MAP1A: variants seen among roughly 807,000 people sequenced by gnomAD.
MAP1A encodes the protein microtubule-associated protein 1A.
Under a neutral mutation model 185.9 loss-of-function variants are expected in MAP1A, and 42 were observed. That is an observed-to-expected ratio of 0.23 (90% CI 0.18 to 0.29). MAP1A has a LOEUF of 0.29. MAP1A is among the 10% of genes least tolerant of loss of function. MAP1A has a pLI of 1.00. For synonymous variants in MAP1A, 1,229 were observed against 1,335.9 expected, an observed-to-expected ratio of 0.92 and a Z score of 1.74; for missense variants, 2,995 against 3,450.4, an observed-to-expected ratio of 0.87 and a Z score of 3.31.
chr15:43,521,328 C>T lies in MAP1A; in HGVS notation c.-146C>T. 6.2e-7 allele frequency: 1 copy of T among 1,607,302 alleles called. No individual in the cohort carries two copies. On this transcript the variant is annotated 5_prime_UTR_variant, in exon 4 of 6. Coordinates refer to ENST00000300231, the MANE Select transcript of MAP1A (RefSeq NM_002373.6). This position sits in a 1 kb window ranked among gnomAD's most constrained non-coding sequence, Gnocchi z 4.6. ...TTCTATCTCCTATTCTTCTAGATTT[C>T]CCAATTGCTCAGCAATAGAGACCCT...
In MAP1A at chr15:43,526,604, G is replaced by A. The variant is rs1208885711; in HGVS notation, c.5131G>A (p.Glu1711Lys). The change falls in exon 4 of 6, where the codon GAG becomes AAG. Residue 1711 changes from glutamate (E) to lysine (K), a missense_variant. Glu to Lys is a moderately conservative substitution (Grantham distance 56, BLOSUM62 1). Coordinates refer to ENST00000300231, the MANE Select transcript of MAP1A (RefSeq NM_002373.6). This position sits in a 1 kb window ranked among gnomAD's most constrained non-coding sequence, Gnocchi z 4.7. ...TGAGCGGAAGGTCTGGTTCCCTCAC[G>A]AGCTGGATGGCCAGGGGGCCCGCCC... The part of the protein sequence containing the change: ...SCERKVWFPH[E>K]LDGQGARPHY... 13 of 1,614,036 alleles carry A rather than the reference G, an allele frequency of 8.1e-6. No individual in the cohort carries two copies. The highest frequency in any genetic ancestry group is 1.6e-4 in the Middle Eastern group (1 of 6,084).
Position 43,522,749 on chromosome 15 carries a change from G to T in MAP1A, c.1276G>T (p.Glu426Ter). 1 of 1,572,232 alleles carries T rather than the reference G, an allele frequency of 6.4e-7. No individual in the cohort carries two copies. Among genetic ancestry groups the T allele is most frequent in the Non-Finnish European group, 8.6e-7 (1 of 1,157,036 alleles). The change falls in exon 4 of 6, where the codon GAG becomes TAG. Residue 426 changes from glutamate (E) to a stop codon, truncating the protein, a stop_gained. Transcript: ENST00000300231. LOFTEE classifies it high-confidence loss of function. The surrounding 1 kb of genome is among the most constrained non-coding windows in gnomAD (Gnocchi z 5.9). ...CAAGGAGAAAAAAGAGATCAAAAAG[G>T]AGAGGAAAGAGCTCAAGAAGGATGA... ...KDKEKKEIKK[E>*]RKELKKDEGR...
chr15:43,522,556 G>A lies in MAP1A; in HGVS notation c.1083G>A (p.Lys361=). Residue 361 remains lysine (K), a synonymous_variant, in exon 4 of 6, where the codon AAG becomes AAA. Coordinates refer to ENST00000300231, the MANE Select transcript of MAP1A (RefSeq NM_002373.6). This position sits in a 1 kb window ranked among gnomAD's most constrained non-coding sequence, Gnocchi z 5.9. ...CCAAGGAGTTAGCCAAGACAGAGAA[G>A]AAGGCAAAAGAGTCATCTGAGAAGC... ...ELAKELAKTE[K]KAKESSEKPP... 1 of 1,611,338 alleles carries A rather than the reference G, an allele frequency of 6.2e-7. No individual in the cohort carries two copies. The highest frequency in any genetic ancestry group is 8.5e-7 in the Non-Finnish European group (1 of 1,178,522).
chr15:43,518,704 G>GCCCCCCCCCCCCCCCCCCCCCCCCCCC (rs1415845642), intron 1 of MAP1A, among the ~76,000 whole-genome samples: 1 of 104,386 alleles, frequency 9.6e-6, no homozygotes, highest in African/African-American at 6.4e-5. Context: ...CTGCACCGCA[G>GCCCCCCCCCCCCCCCCCCCCCCCCCCC]CCCACCCCCC....
In MAP1A at chr15:43,524,505, A is replaced by G; in HGVS notation, c.3032A>G (p.His1011Arg). Reference sequence around the variant, plus strand: ...CCCAGTGCCACCCACACACCCTTTCATCAGTCCCCAGTGGAAGAAAAGTCT... The same window carrying G: ...CCCAGTGCCACCCACACACCCTTTCGTCAGTCCCCAGTGGAAGAAAAGTCT... ...GPPSATHTPF[H>R]QSPVEEKSEP... Residue 1011 changes from histidine (H) to arginine (R), a missense_variant, in exon 4 of 6, where the codon CAT becomes CGT. Around this residue, in one of 3 missense-constraint regions of MAP1A, gnomAD observed 2,728 missense variants for 2,986.0 expected, o/e 0.91. Transcript: ENST00000300231. 6.2e-7 allele frequency: 1 copy of G among 1,614,094 alleles called. No homozygotes were observed. Among genetic ancestry groups the G allele is most frequent in the Non-Finnish European group, 8.5e-7 (1 of 1,180,014 alleles).
chr15:43,523,887 C>T lies in MAP1A; in HGVS notation c.2414C>T (p.Pro805Leu). 1.9e-6 allele frequency: 3 copies of T among 1,614,194 alleles called. No homozygotes were observed. Among genetic ancestry groups the T allele is most frequent in the Non-Finnish European group, 2.5e-6 (3 of 1,180,030 alleles). ...ACCTCTGGCAAAGTCTATGGAACGC[C>T]AGAGACTGAACTCACCTACCCCACT... ...PATSGKVYGT[P>L]ETELTYPTNI... is the part of the protein sequence containing the mutation. The change falls in exon 4 of 6, where the codon CCA becomes CTA. Residue 805 changes from proline (P) to leucine (L), a missense_variant. Pro to Leu is a moderately conservative substitution (Grantham distance 98, BLOSUM62 -3). Around this residue, in one of 3 missense-constraint regions of MAP1A, gnomAD observed 2,728 missense variants for 2,986.0 expected, o/e 0.91. Transcript: ENST00000300231.
At position 43,523,582 on chromosome 15, in the gene MAP1A, A is replaced by G. The variant is rs1003142315; in HGVS notation, c.2109A>G (p.Glu703=). 2 of 1,614,036 alleles carry G rather than the reference A, an allele frequency of 1.2e-6. No homozygotes were observed. The highest frequency in any genetic ancestry group is 1.7e-5 in the Admixed American group (1 of 60,002). The change falls in exon 4 of 6, where the codon GAA becomes GAG. Residue 703 remains glutamate (E), a synonymous_variant. Transcript: ENST00000300231. ...GCCGGGAGGCTTTTGGGGGTCGGGA[A>G]TTGGGACTCCAGGGCAAGGCCCCTG... ...PRSREAFGGR[E]LGLQGKAPEK... is the part of the protein sequence containing the mutation.
At chr15:43,514,730 C>G (rs978323658), upstream of MAP1A, among the ~76,000 whole-genome samples, 3 of 152,148 alleles carry the variant, frequency 2.0e-5, no homozygotes, top group African/African-American at 7.2e-5. Context: ...GATTTTTGCA[C>G]CAGGTAGTCT....
exon 1 of MAP1A, chr15:43,511,195 G>T: frequency 6.4e-7 from 1 of 1,550,544 alleles, no homozygotes; most frequent in Non-Finnish European, 8.7e-7. Flanking sequence ...CAGAGAGTCA[G>T]CTGAGGGCCG....
In MAP1A at chr15:43,524,017, C is replaced by G; in HGVS notation, c.2544C>G (p.Asp848Glu). Residue 848 changes from aspartate to glutamate, a missense_variant, in exon 4 of 6, where the codon GAC becomes GAG. Transcript: ENST00000300231. ...LSSFATSVAE[D>E]QSVASLTAPQ... The stretch of plus-strand genomic sequence containing the variant: ...CCTTTGCCACATCAGTGGCTGAGGA[C>G]CAATCTGTGGCCTCACTTACAGCTC... 6.2e-7 allele frequency: 1 copy of G among 1,614,036 alleles called. No individual in the cohort carries two copies. The highest frequency in any genetic ancestry group is 8.5e-7 in the Non-Finnish European group (1 of 1,180,012).
In MAP1A at chr15:43,527,438, C is replaced by T; in HGVS notation, c.5965C>T (p.Pro1989Ser). 6.2e-7 allele frequency: 1 copy of T among 1,614,194 alleles called. No individual in the cohort carries two copies. Residue 1989 changes from proline (P) to serine (S), a missense_variant, in exon 4 of 6, where the codon CCA becomes TCA. Transcript: ENST00000300231. ...CCCTGCATGCCCCACTAGAGAGCCT[C>T]CACTTGGAGCAGCTGGGGATTGGCC... ...LGPACPTREP[P>S]LGAAGDWPPC... is the part of the protein sequence containing the mutation.
intron 1 of MAP1A, chr15:43,512,101 C>T: frequency 4.0e-6 from 3 of 751,016 alleles, no homozygotes; most frequent in South Asian, 1.5e-5. Context: ...CTCTCCTTAC[C>T]TGTTCTGTGA....
At chr15:43,511,347 C>T in intron 1 of MAP1A, 1 of 741,542 alleles carries the variant, frequency 1.3e-6, no homozygotes, top group African/African-American at 1.8e-5. Context: ...CTGAGATCTG[C>T]GCCCTTGTCA....
intron 1 of MAP1A, chr15:43,511,253 A>C: frequency 6.6e-7 from 1 of 1,525,232 alleles, no homozygotes; most frequent in Non-Finnish European, 8.9e-7. Context: ...GCTGTGCTTC[A>C]GGCATCTCTA....
chr15:43,529,554 G>A lies in MAP1A; in HGVS notation c.8035+46G>A. ...GGCAGAGAGTGTGGGTTAGGGCTGG[G>A]TGTGGGCTGGTCAGACTTCAGGAGT... On this transcript the variant is annotated intron_variant, in intron 4 of 5. Coordinates refer to ENST00000300231, the MANE Select transcript of MAP1A (RefSeq NM_002373.6). This position sits in a 1 kb window ranked among gnomAD's most constrained non-coding sequence, Gnocchi z 4.3. The A allele has an allele frequency of 5.0e-6, 8 of 1,603,860 alleles. No homozygotes were observed. The highest frequency in any genetic ancestry group is 6.8e-6 in the Non-Finnish European group (8 of 1,172,918).
In MAP1A at chr15:43,523,544, G is replaced by A. The variant is rs142285202; in HGVS notation, c.2071G>A (p.Val691Ile). 2 of 1,614,192 alleles carry A rather than the reference G, an allele frequency of 1.2e-6. No individual in the cohort carries two copies. Among genetic ancestry groups the A allele is most frequent in the South Asian group, 1.1e-5 (1 of 91,074 alleles). ...AAAACATATGCAGGAACCCTTGAAG[G>A]TAACTCCAAGGAGCCGGGAGGCTTT... The part of the protein sequence containing the change: ...YQKHMQEPLK[V>I]TPRSREAFGG... The change falls in exon 4 of 6, where the codon GTA (valine) becomes ATA (isoleucine). Residue 691 changes from valine (V) to isoleucine (I), a missense_variant. Physicochemically the swap from Val to Ile is conservative, Grantham distance 29. This residue lies in a region of MAP1A where 2,728 missense variants were observed against 2,986.0 expected (regional missense o/e 0.91). Coordinates refer to ENST00000300231, the MANE Select transcript of MAP1A (RefSeq NM_002373.6).
rs746458716 is a variant in MAP1A, at chr15:43,528,942, G to A, written c.7469G>A (p.Gly2490Asp). 78 of 1,612,978 alleles carry A rather than the reference G, an allele frequency of 4.8e-5. No homozygotes were observed. Among genetic ancestry groups the A allele is most frequent in the Non-Finnish European group, 6.0e-5 (71 of 1,179,990 alleles). The change falls in exon 4 of 6, where the codon GGC becomes GAC. Residue 2490 changes from glycine (G) to aspartate (D), a missense_variant. Physicochemically the swap from Gly to Asp is moderately conservative, Grantham distance 94. This residue lies in a region of MAP1A where 2,728 missense variants were observed against 2,986.0 expected (regional missense o/e 0.91). Coordinates refer to ENST00000300231, the MANE Select transcript of MAP1A (RefSeq NM_002373.6). ...GTAGGGGGGCCAGGGACCACTGGGG[G>A]CCCATGCCCTGTGACTGATGAGACA... ...RRVGGPGTTGGPCPVTDETPP... is the reference protein window; with the variant it reads ...RRVGGPGTTGDPCPVTDETPP...
Position 43,527,546 on chromosome 15 carries a change from A to G in MAP1A, c.6073A>G (p.Ser2025Gly). Residue 2025 changes from serine to glycine, a missense_variant, in exon 4 of 6, where the codon AGC becomes GGC. Transcript: ENST00000300231. The stretch of plus-strand genomic sequence containing the variant: ...GCTTTCATCTCCTATCTCACCCAAG[A>G]GCCTCCAGTCTGACACTCCAACCTT... ...KELSSPISPK[S>G]LQSDTPTFSY... is the part of the protein sequence containing the mutation. The G allele has an allele frequency of 6.2e-7, 1 of 1,614,092 alleles. No homozygotes were observed.
At position 43,527,137 on chromosome 15, in the gene MAP1A, T is replaced by A; in HGVS notation, c.5664T>A (p.Ala1888=). ...WGTAEYDSVV[A]AVQEGAAELE... is the part of the protein sequence containing the mutation. Reference sequence around the variant, plus strand: ...CAGCCGAGTATGACAGTGTGGTGGCTGCAGTGCAGGAGGGGGCAGCTGAGT... The same window carrying A: ...CAGCCGAGTATGACAGTGTGGTGGCAGCAGTGCAGGAGGGGGCAGCTGAGT... The change falls in exon 4 of 6, where the codon GCT becomes GCA. Residue 1888 remains alanine, a synonymous_variant. Transcript: ENST00000300231. 6.2e-7 allele frequency: 1 copy of A among 1,611,108 alleles called. No homozygotes were observed. Among genetic ancestry groups the A allele is most frequent in the South Asian group, 1.1e-5 (1 of 90,542 alleles).
Sources: allele counts gnomAD v4.1 joint callset (sites outside exome capture counted in the v4.1 genomes callset), GRCh38; gene constraint gnomAD v4.1.1; regional missense constraint gnomAD v4.1.1; non-coding constraint Gnocchi (gnomAD v3.1); transcripts MANE v1.5; gene names NCBI Gene and HGNC (gene_info 2026-07-23, HGNC 2026-07-21).